ABI3BP: variants seen among roughly 807,000 people sequenced by gnomAD.
ABI3BP encodes the protein target of Nesh-SH3.
ABI3BP carries 216 observed loss-of-function variants against 268.6 expected under a neutral mutation model. The ratio of observed to expected loss-of-function variants is 0.80; its 90% CI spans 0.72 to 0.90. ABI3BP has a LOEUF of 0.90. Ranked by LOEUF, ABI3BP falls within the 40% of genes least tolerant of loss-of-function variation. The pLI, the probability that ABI3BP is intolerant of heterozygous loss-of-function variation, is 0.00. For synonymous variants in ABI3BP, 730 were observed against 730.0 expected (o/e 1.00, Z 0.00); for missense variants, 2,090 against 2,182.4 (o/e 0.96, Z 0.84).
chr3:100,812,177 T>C (rs1167334341), intron 46 of ABI3BP, among the ~76,000 whole-genome samples: 2 of 152,060 alleles, frequency 1.3e-5, no homozygotes, highest in East Asian at 3.9e-4. Context: ...AAAAGTGATA[T>C]GAAAATGAAA....
At chr3:100,948,181 G>C (rs1584552330) in intron 1 of ABI3BP, among the ~76,000 whole-genome samples, 1 of 152,114 alleles carries the variant, frequency 6.6e-6, no homozygotes, top group East Asian at 1.9e-4. Flanking sequence ...TGTGTTAGAA[G>C]CAAAGCTAAA....
intron 1 of ABI3BP, among the ~76,000 whole-genome samples, chr3:100,939,763 C>A (rs1269559512): frequency 2.6e-5 from 4 of 151,958 alleles, no homozygotes; most frequent in Non-Finnish European, 5.9e-5. Context: ...TTGAGAGCAA[C>A]CGGTCTGACC....
intron 1 of ABI3BP, among the ~76,000 whole-genome samples, chr3:100,960,562 T>C (rs1584982619): frequency 6.6e-6 from 1 of 152,236 alleles, no homozygotes; most frequent in South Asian, 2.1e-4. Flanking sequence ...AAGATTCTTA[T>C]AGATTATCTG....
intron 63 of ABI3BP, among the ~76,000 whole-genome samples, chr3:100,764,172 A>G (rs761481726): frequency 2.6e-5 from 4 of 152,158 alleles, no homozygotes; most frequent in Non-Finnish European, 4.4e-5. Context: ...TCACCTGACT[A>G]GCTCCTTCCC....
intron 20 of ABI3BP, 103 bp downstream of exon 20, chr3:100,846,269 A>G (rs1163250004): frequency 2.4e-6 from 2 of 831,944 alleles, no homozygotes; most frequent in South Asian, 1.9e-5. Context: ...GAAAAATGTA[A>G]CAAATGTCAA....
chr3:100,937,208 G>A (rs1044531942), intron 1 of ABI3BP, among the ~76,000 whole-genome samples: 2 of 151,992 alleles, frequency 1.3e-5, no homozygotes, highest in Admixed American at 1.3e-4. Context: ...CAAGTGTTAG[G>A]AAAAATGTAG....
chr3:100,784,125 A>G (rs1387107888), intron 57 of ABI3BP, among the ~76,000 whole-genome samples: 3 of 152,240 alleles, frequency 2.0e-5, no homozygotes, highest in African/African-American at 7.2e-5. Context: ...GTGAAATAAC[A>G]TATAAAATAC....
At chr3:100,932,991 G>T (rs1393151274) in intron 1 of ABI3BP, among the ~76,000 whole-genome samples, 1 of 151,954 alleles carries the variant, frequency 6.6e-6, no homozygotes, top group Non-Finnish European at 1.5e-5. Context: ...CATTTAGTAG[G>T]AGGAATTCTT....
intron 2 of ABI3BP, among the ~76,000 whole-genome samples, chr3:100,923,229 C>T (rs2060828051): frequency 6.6e-6 from 1 of 152,140 alleles, no homozygotes; most frequent in African/African-American, 2.4e-5. Flanking sequence ...CCCTAAATGA[C>T]TTCAATAGCT....
Position 100,757,527 on chromosome 3 carries a change from T to C in ABI3BP, c.4851-2836A>G, listed in dbSNP as rs570624154. Reference sequence around the variant, plus strand: ...TATCCTAATATGTCCAGCTAAAGAATAGTATCAAAGTAAAACAACTTTTAA... The same window carrying C: ...TATCCTAATATGTCCAGCTAAAGAACAGTATCAAAGTAAAACAACTTTTAA... On this transcript the variant is annotated intron_variant, in intron 63 of 67. Transcript: ENST00000471714. 4.6e-5 allele frequency among the ~76,000 whole-genome samples: 7 copies of C among 151,434 alleles called. No homozygotes were observed. The East Asian group carries it at 1.3e-3, about 29-fold the overall frequency.
intron 2 of ABI3BP, chr3:100,912,107 A>G (rs780870305): frequency 1.6e-5 from 10 of 607,278 alleles, no homozygotes; most frequent in Admixed American, 6.8e-5. Context: ...TCCGTGTCCC[A>G]GACAGTGCTG....
chr3:100,847,534 A>G, intron 19 of ABI3BP, 68 bp downstream of exon 19: 2 of 1,331,788 alleles, frequency 1.5e-6, no homozygotes, highest in Admixed American at 1.7e-5. Context: ...CATTACATAA[A>G]AGCTGGGGTA....
In ABI3BP at chr3:100,749,553, T is replaced by A; in HGVS notation, c.*942A>T. 1 of 358,600 alleles carries A rather than the reference T, an allele frequency of 2.8e-6. No homozygotes were observed. The highest frequency in any genetic ancestry group is 4.9e-6 in the Non-Finnish European group (1 of 203,606). 22.2% of individuals were successfully genotyped at this position (358,600 alleles called of 1,614,324 possible). ...TAGTTAGTTAGATTTTTATTACAGA[T>A]TGAATTAAACAGTTACAAAGACATT... On this transcript the variant is annotated 3_prime_UTR_variant, in exon 68 of 68. Coordinates refer to ENST00000471714, the MANE Select transcript of ABI3BP (RefSeq NM_001375547.2).
chr3:100,946,729 G>A (rs552841824), intron 1 of ABI3BP, among the ~76,000 whole-genome samples: 52 of 151,708 alleles, frequency 3.4e-4, no homozygotes, highest in African/African-American at 9.4e-4. Context: ...CAGAGGTTGC[G>A]GTGAGCCCAG....
chr3:100,911,132 A>G, intron 2 of ABI3BP: 1 of 348,488 alleles, frequency 2.9e-6, no homozygotes, highest in Non-Finnish European at 5.6e-6. Flanking sequence ...TTGAATTGTC[A>G]TCTGTCATCT....
intron 6 of ABI3BP, among the ~76,000 whole-genome samples, chr3:100,884,788 T>C (rs1031356334): frequency 6.6e-6 from 1 of 152,068 alleles, no homozygotes; most frequent in Non-Finnish European, 1.5e-5. Context: ...TGCCCAGTAA[T>C]ATAATGTCCT....
At chr3:100,878,389 A>G (rs1475307038) in intron 6 of ABI3BP, among the ~76,000 whole-genome samples, 2 of 152,198 alleles carry the variant, frequency 1.3e-5, no homozygotes, top group Non-Finnish European at 2.9e-5. Context: ...ATATTTGCCA[A>G]ATTTCTGGTA....
At chr3:100,771,495 T>C (rs940356284) in intron 61 of ABI3BP, among the ~76,000 whole-genome samples, 4 of 150,878 alleles carry the variant, frequency 2.7e-5, no homozygotes, top group Non-Finnish European at 5.9e-5. Flanking sequence ...AGATCTCACA[T>C]AGATGTTAGA....
intron 27 of ABI3BP, 141 bp from the exon 28 acceptor site, chr3:100,835,801 G>A: frequency 1.4e-6 from 1 of 689,710 alleles, no homozygotes; most frequent in Non-Finnish European, 2.4e-6. Flanking sequence ...TTTCCCCTAA[G>A]TAGCCAAACT....
Sources: allele counts gnomAD v4.1 joint callset (sites outside exome capture counted in the v4.1 genomes callset), GRCh38; gene constraint gnomAD v4.1.1; transcripts MANE v1.5; gene names NCBI Gene and HGNC (gene_info 2026-07-23, HGNC 2026-07-21).